Variants in RASAL2 observed in about 807,000 individuals in gnomAD.
RASAL2 encodes the protein ras GTPase-activating protein nGAP.
In RASAL2, 58 loss-of-function variants were observed where a neutral mutation model predicts 128.9. That is an observed-to-expected ratio of 0.45 (90% CI 0.36 to 0.56). The LOEUF is 0.56. RASAL2 is among the 20% of genes least tolerant of loss of function. The pLI, the probability that RASAL2 is intolerant of heterozygous loss-of-function variation, is 0.00. For synonymous variants in RASAL2, 561 were observed against 580.8 expected, an observed-to-expected ratio of 0.97 and a Z score of 0.49; for missense variants, 1,360 against 1,601.6, an observed-to-expected ratio of 0.85 and a Z score of 2.57.
At chr1:178,196,358 G>A (rs1304723226) in intron 1 of RASAL2, among the ~76,000 whole-genome samples, 1 of 152,020 alleles carries the variant, frequency 6.6e-6, no homozygotes, top group Non-Finnish European at 1.5e-5. Flanking sequence ...TAAAACAAAA[G>A]ATTAAAATTC....
At chr1:178,296,668 A>ATTT (rs1160539560) in intron 2 of RASAL2, among the ~76,000 whole-genome samples, 5 of 113,726 alleles carry the variant, frequency 4.4e-5, no homozygotes, top group Non-Finnish European at 7.3e-5. Context: ...CCTGGCCTTG[A>ATTT]TTTTTTTTTT....
In RASAL2 at chr1:178,320,983, CT is replaced by C. The variant is rs1668744077; in HGVS notation, c.457+20866del. Among the ~76,000 whole-genome samples the C allele has an allele frequency of 2.6e-5, 4 of 152,330 alleles. No homozygotes were observed. In the South Asian group the frequency reaches 8.3e-4, roughly 32 times the overall value. ...ACATTCTAAGTTTTCAGTATATCAGCTGGTTTTTAGCAGATTGTGAAAGTTT... is the reference window on the plus strand; with the variant it reads ...ACATTCTAAGTTTTCAGTATATCAGCGGTTTTTAGCAGATTGTGAAAGTTT... On this transcript the variant is annotated intron_variant, in intron 3 of 17. Coordinates refer to ENST00000367649, the MANE Select transcript of RASAL2 (RefSeq NM_170692.4).
chr1:178,454,432 C>T lies in RASAL2; in HGVS notation c.2010-15C>T. ...TTGAATATGTTCTTTCTCATTTTCT[C>T]ATCCTCTACTTCAGGTTTGGTAACA... On this transcript the variant is annotated splice_polypyrimidine_tract_variant and intron_variant, in intron 11 of 17. Coordinates refer to ENST00000367649, the MANE Select transcript of RASAL2 (RefSeq NM_170692.4). 19 of 1,570,812 alleles carry T rather than the reference C, an allele frequency of 1.2e-5. No individual in the cohort carries two copies. The highest frequency in any genetic ancestry group is 1.6e-5 in the Non-Finnish European group (18 of 1,141,468).
chr1:178,195,566 C>G (rs1410162408), intron 1 of RASAL2, among the ~76,000 whole-genome samples: 30 of 152,028 alleles, frequency 2.0e-4, no homozygotes, highest in Non-Finnish European at 5.9e-5. Flanking sequence ...ATAAAACCTA[C>G]CTCGTAGAGT....
rs1294614694 is a variant in RASAL2 at position 178,094,636 on chromosome 1, G to T, written c.144G>T (p.Met48Ile). 1 of 1,614,034 alleles carries T rather than the reference G, an allele frequency of 6.2e-7. No individual in the cohort carries two copies. Among genetic ancestry groups the T allele is most frequent in the East Asian group, 2.2e-5 (1 of 44,888 alleles). ...TCAGTGGAGCCGTCGCCGGTGGCAT[G>T]TTGGATCGGATCCTTCTGGAGTCCG... The part of the protein sequence containing the change: ...VPVSGAVAGG[M>I]LDRILLESVC... Residue 48 changes from methionine to isoleucine, a missense_variant, in exon 1 of 18, where the codon ATG becomes ATT. Met to Ile is a conservative substitution (Grantham distance 10). Around this residue, in one of 3 missense-constraint regions of RASAL2, gnomAD observed 617 missense variants for 714.2 expected, o/e 0.86. Coordinates refer to ENST00000367649, the MANE Select transcript of RASAL2 (RefSeq NM_170692.4).
At chr1:178,157,443 A>G (rs1558086003) in intron 1 of RASAL2, among the ~76,000 whole-genome samples, 1 of 152,076 alleles carries the variant, frequency 6.6e-6, no homozygotes. Flanking sequence ...TTTACCACCT[A>G]GTTTTTGCCC....
Position 178,281,332 on chromosome 1 carries a change from A to C in RASAL2, c.203-2232A>C, listed in dbSNP as rs570096072. On this transcript the variant is annotated intron_variant, in intron 1 of 17. Transcript: ENST00000367649. ...GAGGGGGATGGTTCGGGGTTCCAGA[A>C]TGTTTTTTTGAGACATTGTCTTGTT... Among the ~76,000 whole-genome samples the C allele has an allele frequency of 1.7e-4, 26 of 152,090 alleles. No homozygotes were observed. The South Asian group carries it at 5.2e-3, about 30-fold the overall frequency.
At chr1:178,341,525 ATACAAAGTGTT>A (rs1189462426) in intron 3 of RASAL2, 1 of 1,611,648 alleles carries the variant, frequency 6.2e-7, no homozygotes, top group Non-Finnish European at 8.5e-7. Flanking sequence ...CGAGTACAGT[ATACAAAGTGTT>A]TTGAGTTTCT....
intron 1 of RASAL2, among the ~76,000 whole-genome samples, chr1:178,228,535 G>A (rs935636418): frequency 1.3e-5 from 2 of 152,132 alleles, no homozygotes; most frequent in Admixed American, 6.5e-5. Flanking sequence ...TGAGCCAAGC[G>A]TGCCACTGCA....
chr1:178,468,108 A>G (rs1647924325), intron 17 of RASAL2, among the ~76,000 whole-genome samples: 1 of 152,252 alleles, frequency 6.6e-6, no homozygotes, highest in South Asian at 2.1e-4. Context: ...GGACATGTCA[A>G]TGATTAGAGC....
chr1:178,241,261 A>T (rs746273620), intron 1 of RASAL2, among the ~76,000 whole-genome samples: 38 of 152,262 alleles, frequency 2.5e-4, no homozygotes, highest in Non-Finnish European at 4.6e-4. Flanking sequence ...TGAAAGAATG[A>T]AAGAATGAAG....
intron 3 of RASAL2, among the ~76,000 whole-genome samples, chr1:178,328,693 C>G (rs1328765212): frequency 1.3e-5 from 2 of 152,108 alleles, no homozygotes; most frequent in African/African-American, 4.8e-5. Context: ...GGCAGTAGTC[C>G]TGTGAAACAA....
chr1:178,275,107 C>T (rs992982017), intron 1 of RASAL2, among the ~76,000 whole-genome samples: 4 of 152,166 alleles, frequency 2.6e-5, no homozygotes, highest in African/African-American at 9.7e-5. Context: ...ACTGCTGGCA[C>T]CATTCATAAG....
At chr1:178,216,394 G>T (rs1663420535) in intron 1 of RASAL2, among the ~76,000 whole-genome samples, 1 of 152,124 alleles carries the variant, frequency 6.6e-6, no homozygotes, top group Admixed American at 6.5e-5. Context: ...TACTTTCTAA[G>T]CTTTAAATTA....
intron 4 of RASAL2, among the ~76,000 whole-genome samples, chr1:178,396,826 T>TA (rs60205143): frequency 0.026 from 3,437 of 134,114 alleles, 108 homozygotes; most frequent in African/African-American, 0.075. Flanking sequence ...GAGTGGCTGG[T>TA]AAAAAAAAAA....
rs554712762 is a variant in RASAL2 at position 178,214,218 on chromosome 1, G to A, written c.203-69346G>A. On this transcript the variant is annotated intron_variant, in intron 1 of 17. Transcript: ENST00000367649. ...CTAGGAGTTCAAGGCTATAGTGAAC[G>A]AGCTATCATCCTGCCACTGCTCTCC... Among the ~76,000 whole-genome samples, 236 of 152,238 alleles carry A rather than the reference G, an allele frequency of 1.6e-3. 1 individual carries two copies. Among genetic ancestry groups the A allele is most frequent in the African/African-American group, 5.4e-3 (225 of 41,532 alleles).
intron 4 of RASAL2, among the ~76,000 whole-genome samples, chr1:178,396,291 C>A (rs764055593): frequency 1.7e-4 from 26 of 152,292 alleles, no homozygotes; most frequent in South Asian, 1.7e-3. Flanking sequence ...GATACACTCA[C>A]AGCTCATTCT....
At chr1:178,306,161 T>A (rs1010806558) in intron 3 of RASAL2, among the ~76,000 whole-genome samples, 1 of 152,218 alleles carries the variant, frequency 6.6e-6, no homozygotes, top group Admixed American at 6.5e-5. Flanking sequence ...GGTTTTTTGT[T>A]CTTGCGATAG....
rs989640146 is a variant in RASAL2 at position 178,274,053 on chromosome 1, A to T, written c.203-9511A>T. On this transcript the variant is annotated intron_variant, in intron 1 of 17. Transcript: ENST00000367649. ...GGGTCTCAATTCAGAAAAGATGCATATGTAGCTCTGGATTCTATTGCACTT... is the reference window on the plus strand; with the variant it reads ...GGGTCTCAATTCAGAAAAGATGCATTTGTAGCTCTGGATTCTATTGCACTT... Among the ~76,000 whole-genome samples, 6 of 152,228 alleles carry T rather than the reference A, an allele frequency of 3.9e-5. No homozygotes were observed. In the South Asian group the frequency reaches 1.2e-3, roughly 32 times the overall value.
Sources: gnomAD v4.1 joint callset for allele counts (sites outside exome capture counted in the v4.1 genomes callset) on GRCh38, gnomAD v4.1.1 for gene constraint, gnomAD v4.1.1 regional missense constraint, MANE v1.5 for transcripts, NCBI Gene and HGNC (gene_info 2026-07-23, HGNC 2026-07-21) for gene names.